OPCML: variants seen among roughly 807,000 people sequenced by gnomAD.
OPCML encodes the protein opioid-binding protein/cell adhesion molecule.
A neutral mutation model predicts 37.8 loss-of-function variants in OPCML; 13 were observed. That is an observed-to-expected ratio of 0.34 (90% CI 0.22 to 0.55). OPCML has a LOEUF of 0.55. Ranked by LOEUF, OPCML falls within the 20% of genes least tolerant of loss-of-function variation. The pLI is 0.91. For synonymous variants in OPCML, 176 were observed against 168.8 expected (o/e 1.04, Z -0.33); for missense variants, 341 against 435.6 (o/e 0.78, Z 1.93).
chr11:132,531,991 C>T lies in OPCML; in HGVS notation c.380-2805G>A, dbSNP rs371968909. On this transcript the variant is annotated intron_variant, in intron 3 of 7. Transcript: ENST00000524381. ...TACACACAGCTGGGGAAAGCACAGTCAGTGAATGGAGACAGCTATGGTGCC... is the reference window on the plus strand; with the variant it reads ...TACACACAGCTGGGGAAAGCACAGTTAGTGAATGGAGACAGCTATGGTGCC... 5.6e-4 allele frequency among the ~76,000 whole-genome samples: 85 copies of T among 152,224 alleles called. 1 individual carries two copies. The South Asian group carries it at 7.7e-3, about 14-fold the overall frequency.
At chr11:132,954,522 C>T (rs1049445706) in intron 1 of OPCML, among the ~76,000 whole-genome samples, 1 of 152,106 alleles carries the variant, frequency 6.6e-6, no homozygotes, top group African/African-American at 2.4e-5. Flanking sequence ...GAGTGAACAG[C>T]GTTGCCAGTC....
chr11:133,201,205 A>C (rs1326442050), intron 1 of OPCML, among the ~76,000 whole-genome samples: 1 of 152,110 alleles, frequency 6.6e-6, no homozygotes, highest in Non-Finnish European at 1.5e-5. Context: ...AGGTGACAAA[A>C]TTATCTCTGC....
At chr11:132,521,202 C>T (rs2096292602) in intron 4 of OPCML, among the ~76,000 whole-genome samples, 1 of 152,034 alleles carries the variant, frequency 6.6e-6, no homozygotes, top group Non-Finnish European at 1.5e-5. Context: ...TGTTCATATC[C>T]TTTGCCCACT....
chr11:133,093,925 T>C (rs1180527396), intron 1 of OPCML, among the ~76,000 whole-genome samples: 1 of 152,146 alleles, frequency 6.6e-6, no homozygotes, highest in Admixed American at 6.5e-5. Flanking sequence ...TGAGGAAATA[T>C]AAAATTAAGT....
At chr11:133,311,917 A>T (rs1386817608) in intron 1 of OPCML, among the ~76,000 whole-genome samples, 3 of 151,914 alleles carry the variant, frequency 2.0e-5, no homozygotes, top group African/African-American at 4.8e-5. Context: ...CCACAGCCAG[A>T]GTAGGGGAGA....
chr11:132,426,519 G>T (rs544201836), intron 7 of OPCML, among the ~76,000 whole-genome samples: 1 of 152,048 alleles, frequency 6.6e-6, no homozygotes, highest in Non-Finnish European at 1.5e-5. Flanking sequence ...GGCTGAATCT[G>T]CCTTTCAGGT....
chr11:133,333,311 G>A (rs771079299), intron 1 of OPCML, among the ~76,000 whole-genome samples: 1 of 151,902 alleles, frequency 6.6e-6, no homozygotes, highest in Non-Finnish European at 1.5e-5. Context: ...CATCCACCTT[G>A]GCCTCCCATA....
chr11:133,114,853 T>C (rs1949307711), intron 1 of OPCML, among the ~76,000 whole-genome samples: 1 of 152,132 alleles, frequency 6.6e-6, no homozygotes, highest in South Asian at 2.1e-4. Context: ...GAGTAAAAAA[T>C]GAAAGAGATA....
intron 2 of OPCML, among the ~76,000 whole-genome samples, chr11:132,800,587 T>A (rs1938584892): frequency 6.6e-6 from 1 of 152,180 alleles, no homozygotes; most frequent in South Asian, 2.1e-4. Context: ...AGGTCCCTTC[T>A]AGTCTAATTT....
At chr11:133,379,664 G>C (rs146241716) in intron 1 of OPCML, among the ~76,000 whole-genome samples, 2 of 152,092 alleles carry the variant, frequency 1.3e-5, no homozygotes, top group South Asian at 4.1e-4. Context: ...CTAAAGTTAG[G>C]CTAAGTTCAG....
At chr11:133,344,732 C>T (rs1174677271) in intron 1 of OPCML, among the ~76,000 whole-genome samples, 1 of 152,184 alleles carries the variant, frequency 6.6e-6, no homozygotes, top group Non-Finnish European at 1.5e-5. Flanking sequence ...GTTTGCTTGT[C>T]ATTTTCTTTA....
rs113318678 is a variant in OPCML at position 132,688,168 on chromosome 11, G to GT, written c.147-30850dup. Reference sequence around the variant, plus strand: ...CCGGCTTTTCTGTTTAGGAATCATGGTTTTTTTTTTTTATGATTCTTGCCG... The same window carrying GT: ...CCGGCTTTTCTGTTTAGGAATCATGGTTTTTTTTTTTTTATGATTCTTGCCG... On this transcript the variant is annotated intron_variant, in intron 2 of 7. Transcript: ENST00000524381. Among the ~76,000 whole-genome samples, 447 of 144,542 alleles carry GT rather than the reference G, an allele frequency of 3.1e-3. 2 individuals are homozygous for GT. In the Middle Eastern group the frequency reaches 0.036, roughly 12 times the overall value. 94.8% of individuals were successfully genotyped at this position (144,542 alleles called of 152,430 possible). A position where few individuals can be genotyped will look rare whatever the true frequency, so the allele number is the denominator to read the frequency against.
At chr11:133,049,673 G>A (rs1258317088) in intron 1 of OPCML, among the ~76,000 whole-genome samples, 1 of 152,168 alleles carries the variant, frequency 6.6e-6, no homozygotes, top group Non-Finnish European at 1.5e-5. Flanking sequence ...TGATAAATAT[G>A]GGCAGTCTTA....
At chr11:133,093,924 AT>A (rs1948955990) in intron 1 of OPCML, among the ~76,000 whole-genome samples, 1 of 152,202 alleles carries the variant, frequency 6.6e-6, no homozygotes, top group Admixed American at 6.5e-5. Context: ...TTGAGGAAAT[AT>A]AAAATTAAGT....
intron 1 of OPCML, among the ~76,000 whole-genome samples, chr11:133,348,198 G>A (rs908630546): frequency 2.6e-5 from 4 of 152,132 alleles, no homozygotes; most frequent in Non-Finnish European, 4.4e-5. Context: ...TTCACTAAAT[G>A]TTCCATGATT....
At chr11:133,080,364 G>A (rs980153931) in intron 1 of OPCML, among the ~76,000 whole-genome samples, 1 of 152,108 alleles carries the variant, frequency 6.6e-6, no homozygotes, top group Admixed American at 6.5e-5. Flanking sequence ...GCCGGTGTGT[G>A]GCCCACACGG....
intron 1 of OPCML, among the ~76,000 whole-genome samples, chr11:133,138,189 A>G (rs1949719549): frequency 6.6e-6 from 1 of 152,076 alleles, no homozygotes; most frequent in East Asian, 1.9e-4. Context: ...CTCTTTGCAC[A>G]CACCCACTCA....
At chr11:133,105,467 G>A (rs1949142984) in intron 1 of OPCML, among the ~76,000 whole-genome samples, 3 of 152,176 alleles carry the variant, frequency 2.0e-5, no homozygotes. Flanking sequence ...GTGCCAGTGG[G>A]CAGATGAATT....
At chr11:133,087,116 G>A (rs1016602163) in intron 1 of OPCML, among the ~76,000 whole-genome samples, 1 of 152,164 alleles carries the variant, frequency 6.6e-6, no homozygotes, top group Non-Finnish European at 1.5e-5. Context: ...ACCCAAAGAG[G>A]TTAAGTGACT....
Sources: gnomAD v4.1 joint callset for allele counts (sites outside exome capture counted in the v4.1 genomes callset) on GRCh38, gnomAD v4.1.1 for gene constraint, MANE v1.5 for transcripts, NCBI Gene and HGNC (gene_info 2026-07-23, HGNC 2026-07-21) for gene names.